Variants in OR4D6 observed in about 807,000 individuals in gnomAD.
The protein encoded by OR4D6 is olfactory receptor 4D6.
Under a neutral mutation model 10.9 loss-of-function variants are expected in OR4D6, and 9 were observed. The observed-to-expected ratio is 0.82, with a 90% confidence interval of 0.50 to 1.44. OR4D6 has a LOEUF of 1.44. Ranked by LOEUF, OR4D6 falls within the 40% of genes most tolerant of loss-of-function variation. The pLI, the probability that OR4D6 is intolerant of heterozygous loss-of-function variation, is 0.00. For synonymous variants in OR4D6, 167 were observed against 154.4 expected (o/e 1.08, Z -0.60); for missense variants, 370 against 384.4 (o/e 0.96, Z 0.31).
chr11:59,457,151 G>T lies in OR4D6; in HGVS notation c.191G>T (p.Arg64Leu), dbSNP rs201750242. Residue 64 changes from arginine to leucine, a missense_variant, in exon 1 of 1, where the codon CGG becomes CTG. By Grantham distance (102) the Arg-to-Leu change is moderately radical. Coordinates refer to ENST00000300127, the MANE Select transcript of OR4D6 (RefSeq NM_001004708.1). ...RLHTPMYFLLRNKSVLDIVFS... is the reference protein window; with the variant it reads ...RLHTPMYFLLLNKSVLDIVFS... Reference sequence around the variant, plus strand: ...CACACTCCTATGTACTTTCTCCTGCGGAACAAATCAGTCCTGGACATCGTT... The same window carrying T: ...CACACTCCTATGTACTTTCTCCTGCTGAACAAATCAGTCCTGGACATCGTT... The T allele has an allele frequency of 1.9e-6, 3 of 1,613,948 alleles. No individual in the cohort carries two copies. Among genetic ancestry groups the T allele is most frequent in the African/African-American group, 2.7e-5 (2 of 74,998 alleles).
Position 59,457,250 on chromosome 11 carries a change from G to A in OR4D6, c.290G>A (p.Cys97Tyr). 6.2e-7 allele frequency: 1 copy of A among 1,613,778 alleles called. No individual in the cohort carries two copies. The highest frequency in any genetic ancestry group is 8.5e-7 in the Non-Finnish European group (1 of 1,179,896). The change falls in exon 1 of 1, where the codon TGC (cysteine) becomes TAC (tyrosine). Residue 97 changes from cysteine (C) to tyrosine (Y), a missense_variant. Physicochemically the swap from Cys to Tyr is radical, Grantham distance 194. Transcript: ENST00000300127. ...SDRKTISYND[C>Y]MAQIFFFHFA... ...AGGAAAACCATCTCCTACAATGACTGCATGGCACAGATCTTTTTCTTCCAC... is the reference window on the plus strand; with the variant it reads ...AGGAAAACCATCTCCTACAATGACTACATGGCACAGATCTTTTTCTTCCAC...
rs1171054470 is a variant in OR4D6, at chr11:59,457,754, T to G, written c.794T>G (p.Leu265Arg). 51 of 1,614,048 alleles carry G rather than the reference T, an allele frequency of 3.2e-5. No homozygotes were observed. The highest frequency in any genetic ancestry group is 4.2e-5 in the Non-Finnish European group (49 of 1,180,002). Residue 265 changes from leucine (L) to arginine (R), a missense_variant, in exon 1 of 1, where the codon CTG becomes CGG. Physicochemically the swap from Leu to Arg is moderately radical, Grantham distance 102 (BLOSUM62 -2). Coordinates refer to ENST00000300127, the MANE Select transcript of OR4D6 (RefSeq NM_001004708.1). Reference sequence around the variant, plus strand: ...ATCTACTGCCGGCCCTTCATGACGCTGCCCATGGACACAACCATATCCATT... The same window carrying G: ...ATCTACTGCCGGCCCTTCATGACGCGGCCCATGGACACAACCATATCCATT... ...VYIYCRPFMTLPMDTTISINN... is the reference protein window; with the variant it reads ...VYIYCRPFMTRPMDTTISINN...
chr11:59,457,586 T>A lies in OR4D6; in HGVS notation c.626T>A (p.Leu209His), dbSNP rs1313532232. ...TCTAACAACGGACTGGTGACCCTGC[T>A]CTGGTTCCTCCTGCTCCTGGGCTCC... ...MISNNGLVTL[L>H]WFLLLLGSYT... is the part of the protein sequence containing the mutation. Residue 209 changes from leucine (L) to histidine (H), a missense_variant, in exon 1 of 1, where the codon CTC becomes CAC. By Grantham distance (99) the Leu-to-His change is moderately conservative. Coordinates refer to ENST00000300127, the MANE Select transcript of OR4D6 (RefSeq NM_001004708.1). 1.2e-6 allele frequency: 2 copies of A among 1,614,056 alleles called. No individual in the cohort carries two copies. The highest frequency in any genetic ancestry group is 1.7e-6 in the Non-Finnish European group (2 of 1,180,038).
chr11:59,457,022 G>A lies in OR4D6; in HGVS notation c.62G>A (p.Arg21Gln), dbSNP rs141416036. 6,489 of 1,614,114 alleles carry A rather than the reference G, an allele frequency of 4.0e-3. 24 individuals are homozygous for A. Among genetic ancestry groups the A allele is most frequent in the Middle Eastern group, 7.3e-3 (44 of 6,062 alleles). ...TTCTTCCTGGAACTTACACGTTCCC[G>A]AGAGCTGGAGTTTTTCTTGTTTGTG... ...EFFFLELTRSRELEFFLFVVF... is the reference protein window; with the variant it reads ...EFFFLELTRSQELEFFLFVVF... The change falls in exon 1 of 1, where the codon CGA (arginine) becomes CAA (glutamine). Residue 21 changes from arginine to glutamine, a missense_variant. Physicochemically the swap from Arg to Gln is conservative, Grantham distance 43. Transcript: ENST00000300127.
rs201750242 is a variant in OR4D6 at position 59,457,151 on chromosome 11, G to A, written c.191G>A (p.Arg64Gln). The A allele has an allele frequency of 1.3e-4, 211 of 1,613,948 alleles. 2 individuals are homozygous for A. Among genetic ancestry groups the A allele is most frequent in the South Asian group, 4.5e-4 (41 of 91,060 alleles). Reference sequence around the variant, plus strand: ...CACACTCCTATGTACTTTCTCCTGCGGAACAAATCAGTCCTGGACATCGTT... The same window carrying A: ...CACACTCCTATGTACTTTCTCCTGCAGAACAAATCAGTCCTGGACATCGTT... ...RLHTPMYFLL[R>Q]NKSVLDIVFS... Residue 64 changes from arginine to glutamine, a missense_variant, in exon 1 of 1, where the codon CGG becomes CAG. Coordinates refer to ENST00000300127, the MANE Select transcript of OR4D6 (RefSeq NM_001004708.1).
chr11:59,457,728 C>T lies in OR4D6; in HGVS notation c.768C>T (p.Tyr256=). 6.2e-7 allele frequency: 1 copy of T among 1,614,028 alleles called. No homozygotes were observed. The highest frequency in any genetic ancestry group is 8.5e-7 in the Non-Finnish European group (1 of 1,179,972). The change falls in exon 1 of 1, where the codon TAC becomes TAT. Residue 256 remains tyrosine (Y), a synonymous_variant. Transcript: ENST00000300127. ...VVTLHFVPCV[Y]IYCRPFMTLP... ...CTCTTCACTTCGTGCCTTGTGTTTA[C>T]ATCTACTGCCGGCCCTTCATGACGC...
In OR4D6 at chr11:59,457,487, C is replaced by T; in HGVS notation, c.527C>T (p.Ala176Val). ...FPFCGPNTLD[A>V]FYCYVLQVVK... ...TTCTGTGGCCCCAACACACTGGATG[C>T]CTTCTACTGTTATGTGCTCCAGGTG... is the stretch of plus-strand genomic sequence containing the variant. The change falls in exon 1 of 1, where the codon GCC (alanine) becomes GTC (valine). Residue 176 changes from alanine (A) to valine (V), a missense_variant. Transcript: ENST00000300127. 6.2e-7 allele frequency: 1 copy of T among 1,614,142 alleles called. No individual in the cohort carries two copies.
chr11:59,457,185 T>G lies in OR4D6; in HGVS notation c.225T>G (p.Ser75=), dbSNP rs1177152076. 1 of 1,613,584 alleles carries G rather than the reference T, an allele frequency of 6.2e-7. No individual in the cohort carries two copies. The highest frequency in any genetic ancestry group is 8.5e-7 in the Non-Finnish European group (1 of 1,179,744). ...NKSVLDIVFS[S]ITVPKFLVDL... ...CAGTCCTGGACATCGTTTTTTCATC[T>G]ATCACCGTCCCCAAGTTCCTGGTGG... Residue 75 remains serine (S), a synonymous_variant, in exon 1 of 1, where the codon TCT becomes TCG. Coordinates refer to ENST00000300127, the MANE Select transcript of OR4D6 (RefSeq NM_001004708.1).
In OR4D6 at chr11:59,457,769, C is replaced by T. The variant is rs770903137; in HGVS notation, c.809C>T (p.Thr270Ile). Residue 270 changes from threonine to isoleucine, a missense_variant, in exon 1 of 1, where the codon ACC becomes ATC. By Grantham distance (89) the Thr-to-Ile change is moderately conservative (BLOSUM62 -1). Coordinates refer to ENST00000300127, the MANE Select transcript of OR4D6 (RefSeq NM_001004708.1). ...TTCATGACGCTGCCCATGGACACAA[C>T]CATATCCATTAATAACACGGTCATT... ...RPFMTLPMDT[T>I]ISINNTVITP... The T allele has an allele frequency of 5.1e-5, 82 of 1,613,436 alleles. No individual in the cohort carries two copies. The South Asian group carries it at 8.5e-4, about 17-fold the overall frequency.
Position 59,457,210 on chromosome 11 carries a change from G to C in OR4D6, c.250G>C (p.Asp84His), listed in dbSNP as rs149091895. ...TATCACCGTCCCCAAGTTCCTGGTGGATCTTTTATCAGACAGGAAAACCAT... is the reference window on the plus strand; with the variant it reads ...TATCACCGTCCCCAAGTTCCTGGTGCATCTTTTATCAGACAGGAAAACCAT... ...SSITVPKFLV[D>H]LLSDRKTISY... Residue 84 changes from aspartate (D) to histidine (H), a missense_variant, in exon 1 of 1, where the codon GAT becomes CAT. Physicochemically the swap from Asp to His is moderately conservative, Grantham distance 81. Transcript: ENST00000300127. 2 of 1,612,958 alleles carry C rather than the reference G, an allele frequency of 1.2e-6. No individual in the cohort carries two copies. Among genetic ancestry groups the C allele is most frequent in the African/African-American group, 1.3e-5 (1 of 74,780 alleles).
Position 59,457,165 on chromosome 11 carries a change from CT to C in OR4D6, c.206del (p.Leu69ArgfsTer49). 1 of 1,613,992 alleles carries C rather than the reference CT, an allele frequency of 6.2e-7. No individual in the cohort carries two copies. The highest frequency in any genetic ancestry group is 8.5e-7 in the Non-Finnish European group (1 of 1,179,924). ...MYFLLRNKSV[L>X]DIVFSSITVP... The stretch of plus-strand genomic sequence containing the variant: ...CTTTCTCCTGCGGAACAAATCAGTC[CT>C]GGACATCGTTTTTTCATCTATCACC... On this transcript the variant is annotated frameshift_variant, in exon 1 of 1. Transcript: ENST00000300127. LOFTEE classifies it high-confidence loss of function.
In OR4D6 at chr11:59,457,779, T is replaced by A; in HGVS notation, c.819T>A (p.Ile273=). ...MTLPMDTTIS[I]NNTVITPMLN... ...TGCCCATGGACACAACCATATCCATTAATAACACGGTCATTACCCCCATGC... is the reference window on the plus strand; with the variant it reads ...TGCCCATGGACACAACCATATCCATAAATAACACGGTCATTACCCCCATGC... The change falls in exon 1 of 1, where the codon ATT becomes ATA. Residue 273 remains isoleucine (I), a synonymous_variant. Transcript: ENST00000300127. The A allele has an allele frequency of 6.2e-7, 1 of 1,613,882 alleles. No individual in the cohort carries two copies. The highest frequency in any genetic ancestry group is 8.5e-7 in the Non-Finnish European group (1 of 1,179,784).
At position 59,457,606 on chromosome 11, in the gene OR4D6, G is replaced by A; in HGVS notation, c.646G>A (p.Gly216Ser). Residue 216 changes from glycine (G) to serine (S), a missense_variant, in exon 1 of 1, where the codon GGC becomes AGC. Transcript: ENST00000300127. ...CCTGCTCTGGTTCCTCCTGCTCCTG[G>A]GCTCCTACACTGTCATTCTGGTGAT... ...VTLLWFLLLL[G>S]SYTVILVMLR... 1 of 1,614,020 alleles carries A rather than the reference G, an allele frequency of 6.2e-7. No individual in the cohort carries two copies. Among genetic ancestry groups the A allele is most frequent in the African/African-American group, 1.3e-5 (1 of 74,980 alleles).
In OR4D6 at chr11:59,457,849, G is replaced by T. The variant is rs765798684; in HGVS notation, c.889G>T (p.Ala297Ser). The change falls in exon 1 of 1, where the codon GCC becomes TCC. Residue 297 changes from alanine to serine, a missense_variant. Ala to Ser is a moderately conservative substitution (Grantham distance 99). Coordinates refer to ENST00000300127, the MANE Select transcript of OR4D6 (RefSeq NM_001004708.1). ...YSLRNQEMKS[A>S]MQRLQRRLGP... ...CCTGAGAAATCAAGAGATGAAGTCAGCCATGCAGAGGCTGCAGAGGAGACT... is the reference window on the plus strand; with the variant it reads ...CCTGAGAAATCAAGAGATGAAGTCATCCATGCAGAGGCTGCAGAGGAGACT... 1.2e-6 allele frequency: 2 copies of T among 1,614,018 alleles called. No homozygotes were observed. The highest frequency in any genetic ancestry group is 1.7e-6 in the Non-Finnish European group (2 of 1,179,950).
At position 59,456,984 on chromosome 11, in the gene OR4D6, T is replaced by A; in HGVS notation, c.24T>A (p.Asn8Lys). 1.9e-6 allele frequency: 3 copies of A among 1,613,752 alleles called. No homozygotes were observed. The highest frequency in any genetic ancestry group is 2.5e-6 in the Non-Finnish European group (3 of 1,179,688). Residue 8 changes from asparagine to lysine, a missense_variant, in exon 1 of 1, where the codon AAT (asparagine) becomes AAA (lysine). Physicochemically the swap from Asn to Lys is moderately conservative, Grantham distance 94 (BLOSUM62 0). Coordinates refer to ENST00000300127, the MANE Select transcript of OR4D6 (RefSeq NM_001004708.1). ...TCATGGACCAGATCAACCACACTAATGTGAAGGAGTTTTTCTTCCTGGAAC... is the reference window on the plus strand; with the variant it reads ...TCATGGACCAGATCAACCACACTAAAGTGAAGGAGTTTTTCTTCCTGGAAC... MDQINHT[N>K]VKEFFFLELT...
At position 59,457,092 on chromosome 11, in the gene OR4D6, C is replaced by CA. The variant is rs1162307743; in HGVS notation, c.133dup (p.Ile45AsnfsTer8). On this transcript the variant is annotated frameshift_variant, in exon 1 of 1. Coordinates refer to ENST00000300127, the MANE Select transcript of OR4D6 (RefSeq NM_001004708.1). LOFTEE classifies it high-confidence loss of function. ...TAGCAACAGTCCTGGGAAATGCACT[C>CA]ATTGTGGTCACTATTACCTGTGAGT... 4 of 1,613,936 alleles carry CA rather than the reference C, an allele frequency of 2.5e-6. No homozygotes were observed. The highest frequency in any genetic ancestry group is 3.4e-6 in the Non-Finnish European group (4 of 1,179,942).
chr11:59,457,374 A>G lies in OR4D6; in HGVS notation c.414A>G (p.Lys138=), dbSNP rs1340873813. Residue 138 remains lysine, a synonymous_variant, in exon 1 of 1, where the codon AAA becomes AAG. Transcript: ENST00000300127. ...KPLHYVTMMR[K]EVWVALVVAS... ...TGCACTATGTGACCATGATGAGGAAAGAGGTGTGGGTGGCCTTGGTGGTGG... is the reference window on the plus strand; with the variant it reads ...TGCACTATGTGACCATGATGAGGAAGGAGGTGTGGGTGGCCTTGGTGGTGG... 1 of 1,613,706 alleles carries G rather than the reference A, an allele frequency of 6.2e-7. No homozygotes were observed. Among genetic ancestry groups the G allele is most frequent in the Non-Finnish European group, 8.5e-7 (1 of 1,179,902 alleles).
chr11:59,457,371 G>C lies in OR4D6; in HGVS notation c.411G>C (p.Arg137Ser). The change falls in exon 1 of 1, where the codon AGG (arginine) becomes AGC (serine). Residue 137 changes from arginine to serine, a missense_variant. Physicochemically the swap from Arg to Ser is moderately radical, Grantham distance 110. Coordinates refer to ENST00000300127, the MANE Select transcript of OR4D6 (RefSeq NM_001004708.1). ...CCCTGCACTATGTGACCATGATGAG[G>C]AAAGAGGTGTGGGTGGCCTTGGTGG... ...AKPLHYVTMM[R>S]KEVWVALVVA... is the part of the protein sequence containing the mutation. 6.2e-7 allele frequency: 1 copy of C among 1,613,846 alleles called. No homozygotes were observed. The highest frequency in any genetic ancestry group is 8.5e-7 in the Non-Finnish European group (1 of 1,179,896).
rs965279738 is a variant in OR4D6, at chr11:59,457,737, C to A, written c.777C>A (p.Cys259Ter). Reference sequence around the variant, plus strand: ...TCGTGCCTTGTGTTTACATCTACTGCCGGCCCTTCATGACGCTGCCCATGG... The same window carrying A: ...TCGTGCCTTGTGTTTACATCTACTGACGGCCCTTCATGACGCTGCCCATGG... ...LHFVPCVYIY[C>*]RPFMTLPMDT... Residue 259 changes from cysteine to a stop codon, truncating the protein, a stop_gained, in exon 1 of 1, where the codon TGC (cysteine) becomes TGA (stop). Transcript: ENST00000300127. LOFTEE classifies it high-confidence loss of function. 2 of 1,614,074 alleles carry A rather than the reference C, an allele frequency of 1.2e-6. No homozygotes were observed. Among genetic ancestry groups the A allele is most frequent in the Non-Finnish European group, 1.7e-6 (2 of 1,179,958 alleles).
Sources: gnomAD v4.1 joint callset for allele counts on GRCh38, gnomAD v4.1.1 for gene constraint, MANE v1.5 for transcripts, NCBI Gene and HGNC (gene_info 2026-07-23, HGNC 2026-07-21) for gene names.